The following SPAG17 variants were observed in gnomAD, a reference collection of about 807,000 sequenced individuals.
The protein encoded by SPAG17 is sperm-associated antigen 17.
Under a neutral mutation model 273.6 loss-of-function variants are expected in SPAG17, and 169 were observed. The observed-to-expected ratio is 0.62, with a 90% confidence interval of 0.55 to 0.70. The LOEUF is 0.70. Ranked by LOEUF, SPAG17 falls within the 30% of genes least tolerant of loss-of-function variation. SPAG17 has a pLI of 0.00. For synonymous variants in SPAG17, 825 were observed against 873.2 expected (o/e 0.94, Z 0.97); for missense variants, 2,557 against 2,627.8 (o/e 0.97, Z 0.59).
chr1:118,050,152 C>T (rs764822682), intron 20 of SPAG17, among the ~76,000 whole-genome samples: 46 of 152,106 alleles, frequency 3.0e-4, no homozygotes, highest in Non-Finnish European at 4.4e-4. Context: ...AGCAGGCCAC[C>T]GCACATGTGG....
chr1:118,065,189 T>A (rs759466674), intron 18 of SPAG17, among the ~76,000 whole-genome samples: 40 of 152,108 alleles, frequency 2.6e-4, no homozygotes, highest in Non-Finnish European at 4.6e-4. Context: ...TTAATGAACT[T>A]TATGTCAATA....
intron 3 of SPAG17, among the ~76,000 whole-genome samples, chr1:118,134,075 G>A (rs1345422491): frequency 6.6e-6 from 1 of 152,182 alleles, no homozygotes; most frequent in East Asian, 1.9e-4. Flanking sequence ...CATACAAATT[G>A]TCTTGAATGC....
chr1:118,058,047 T>C (rs1651886420), intron 18 of SPAG17, among the ~76,000 whole-genome samples: 1 of 152,098 alleles, frequency 6.6e-6, no homozygotes. Flanking sequence ...GAAATTTATT[T>C]ATAAAATTAA....
chr1:118,071,206 A>G (rs1653549806), intron 17 of SPAG17, among the ~76,000 whole-genome samples: 1 of 152,142 alleles, frequency 6.6e-6, no homozygotes, highest in Admixed American at 6.5e-5. Context: ...TAATATGAGC[A>G]AAGAGGACAA....
At chr1:118,061,662 C>T (rs1415283980) in intron 18 of SPAG17, among the ~76,000 whole-genome samples, 3 of 152,136 alleles carry the variant, frequency 2.0e-5, no homozygotes, top group African/African-American at 7.2e-5. Flanking sequence ...GACATGAGGA[C>T]ATTTTTTTAA....
intron 1 of SPAG17, among the ~76,000 whole-genome samples, chr1:118,182,146 T>C (rs960951646): frequency 1.3e-5 from 2 of 152,090 alleles, no homozygotes; most frequent in South Asian, 4.1e-4. Flanking sequence ...TGTTACAATA[T>C]GAATGAACCT....
At chr1:118,166,200 A>G (rs993605116) in intron 1 of SPAG17, among the ~76,000 whole-genome samples, 25 of 152,198 alleles carry the variant, frequency 1.6e-4, no homozygotes, top group African/African-American at 5.8e-4. Flanking sequence ...GCACATTACA[A>G]TCATATTTAA....
At chr1:118,100,228 T>C (rs1368327320) in intron 5 of SPAG17, among the ~76,000 whole-genome samples, 1 of 152,180 alleles carries the variant, frequency 6.6e-6, no homozygotes, top group African/African-American at 2.4e-5. Flanking sequence ...GAGAGGGAAA[T>C]AATGAATATG....
At position 118,170,465 on chromosome 1, in the gene SPAG17, A is replaced by T. The variant is rs145671930; in HGVS notation, c.87+14606T>A. Among the ~76,000 whole-genome samples, 576 of 152,248 alleles carry T rather than the reference A, an allele frequency of 3.8e-3. 3 individuals carry two copies. The highest frequency in any genetic ancestry group is 0.017 in the Middle Eastern group (5 of 294). On this transcript the variant is annotated intron_variant, in intron 1 of 48. Transcript: ENST00000336338. ...TAAGAGAGCCTCAAAGATTGGATGG[A>T]TGAGCAAGGAGTGGAAAGGTAGAAG...
At chr1:118,058,761 T>C (rs550559129) in intron 18 of SPAG17, among the ~76,000 whole-genome samples, 4 of 152,252 alleles carry the variant, frequency 2.6e-5, no homozygotes, top group Admixed American at 6.5e-5. Context: ...TATAAAATGA[T>C]TGGGAAAGTT....
In SPAG17 at chr1:118,185,167, G is replaced by T. The variant is rs763372241; in HGVS notation, c.-10C>A. 1.2e-6 allele frequency: 2 copies of T among 1,610,566 alleles called. No individual in the cohort carries two copies. The highest frequency in any genetic ancestry group is 1.7e-6 in the Non-Finnish European group (2 of 1,176,766). ...CCTTCTTGGGTGCCATGCAAAGGAC[G>T]GGAGAAGCATTGGCCTCTAAACTGG... On this transcript the variant is annotated 5_prime_UTR_variant, in exon 1 of 49. Coordinates refer to ENST00000336338, the MANE Select transcript of SPAG17 (RefSeq NM_206996.4).
chr1:118,118,678 G>A lies in SPAG17; in HGVS notation c.316-3237C>T, dbSNP rs899705609. 2.0e-5 allele frequency among the ~76,000 whole-genome samples: 3 copies of A among 152,236 alleles called. No homozygotes were observed. The South Asian group carries it at 6.2e-4, about 32-fold the overall frequency. ...TGCCAGGACCGGAGAGAGGCTCTACGCTGAAAGACCAAAGGTCACTCAGTT... is the reference window on the plus strand; with the variant it reads ...TGCCAGGACCGGAGAGAGGCTCTACACTGAAAGACCAAAGGTCACTCAGTT... On this transcript the variant is annotated intron_variant, in intron 3 of 48. Coordinates refer to ENST00000336338, the MANE Select transcript of SPAG17 (RefSeq NM_206996.4).
intron 10 of SPAG17, among the ~76,000 whole-genome samples, chr1:118,090,117 G>A (rs533935158): frequency 6.6e-6 from 1 of 152,138 alleles, no homozygotes; most frequent in African/African-American, 2.4e-5. Context: ...TACAATGGGG[G>A]ATAAAAACAG....
chr1:118,067,349 T>C (rs1332821709), intron 17 of SPAG17, among the ~76,000 whole-genome samples: 3 of 152,178 alleles, frequency 2.0e-5, no homozygotes, highest in Admixed American at 1.3e-4. Context: ...TATTTGGAGA[T>C]GGGGCTTTGG....
At chr1:118,023,067 G>C (rs375201612) in intron 28 of SPAG17, among the ~76,000 whole-genome samples, 1 of 152,088 alleles carries the variant, frequency 6.6e-6, no homozygotes, top group African/African-American at 2.4e-5. Flanking sequence ...TGATGTGCAA[G>C]AATGTATAAC....
At position 118,019,110 on chromosome 1, in the gene SPAG17, T is replaced by C. The variant is rs12240108; in HGVS notation, c.4070-2928A>G. On this transcript the variant is annotated intron_variant, in intron 28 of 48. Coordinates refer to ENST00000336338, the MANE Select transcript of SPAG17 (RefSeq NM_206996.4). Reference sequence around the variant, plus strand: ...AAAGCAATAAGAAAAAATTATCATCTCATAGTCAAAAAGTACCGAGACACA... The same window carrying C: ...AAAGCAATAAGAAAAAATTATCATCCCATAGTCAAAAAGTACCGAGACACA... Among the ~76,000 whole-genome samples, 543 of 150,774 alleles carry C rather than the reference T, an allele frequency of 3.6e-3. 4 individuals carry two copies. The highest frequency in any genetic ancestry group is 0.013 in the African/African-American group (517 of 41,074).
chr1:118,055,431 TC>T (rs1200735062), intron 19 of SPAG17, among the ~76,000 whole-genome samples: 1 of 152,192 alleles, frequency 6.6e-6, no homozygotes, highest in Non-Finnish European at 1.5e-5. Flanking sequence ...AATTTACCAA[TC>T]CTACCAATAA....
At chr1:117,988,057 T>C (rs2101628598) in intron 39 of SPAG17, 48 bp downstream of exon 39, 2 of 1,512,760 alleles carry the variant, frequency 1.3e-6, no homozygotes, top group South Asian at 1.3e-5. Context: ...ATTTCCTCAA[T>C]CACTGCATAC....
In SPAG17 at chr1:117,983,848, G is replaced by A. The variant is rs549413982; in HGVS notation, c.5835C>T (p.Asn1945=). 6.5e-5 allele frequency: 105 copies of A among 1,612,380 alleles called. No homozygotes were observed. Among genetic ancestry groups the A allele is most frequent in the Middle Eastern group, 1.7e-4 (1 of 6,048 alleles). The change falls in exon 42 of 49, where the codon AAC becomes AAT. Residue 1945 remains asparagine, a synonymous_variant. Transcript: ENST00000336338. ...PSFTKKNEDA[N]ETAVQDTSDL... The stretch of plus-strand genomic sequence containing the variant: ...CAGATGTATCTTGAACAGCTGTTTC[G>A]TTTGCATCTTCATTTTTCTTTGTAA...
Sources: gnomAD v4.1 joint callset for allele counts (sites outside exome capture counted in the v4.1 genomes callset) on GRCh38, gnomAD v4.1.1 for gene constraint, MANE v1.5 for transcripts, NCBI Gene and HGNC (gene_info 2026-07-23, HGNC 2026-07-21) for gene names.